AP3B1: variants seen among roughly 807,000 people sequenced by gnomAD.
The protein encoded by AP3B1 is adaptor related protein complex 3 subunit beta 1, also known as AP-3 complex subunit beta-1.
In AP3B1, 61 loss-of-function variants were observed where a neutral mutation model predicts 132.5. The observed-to-expected ratio is 0.46, with a 90% CI of 0.37 to 0.57. The LOEUF (loss-of-function observed/expected upper bound fraction) is 0.57, where lower values mean the gene tolerates loss of function less well. AP3B1 is among the 20% of genes least tolerant of loss of function. The probability of loss-of-function intolerance (pLI) is 0.00; values close to 1 mark genes in which losing one functional copy is unlikely to be tolerated. For synonymous variants in AP3B1, 388 were observed against 438.3 expected, an observed-to-expected ratio of 0.89 and a Z score of 1.43; for missense variants, 1,120 against 1,289.4, an observed-to-expected ratio of 0.87 and a Z score of 2.01.
At chr5:78,145,905 G>A (rs1048204237) in intron 14 of AP3B1, among the ~76,000 whole-genome samples, 8 of 152,274 alleles carry the variant, frequency 5.3e-5, no homozygotes, top group South Asian at 2.1e-4. Flanking sequence ...CCAGGATTCT[G>A]CCCTAATAAA....
At chr5:78,125,248 TAATATA>T (rs1752408540) in intron 17 of AP3B1, among the ~76,000 whole-genome samples, 1 of 152,126 alleles carries the variant, frequency 6.6e-6, no homozygotes, top group Non-Finnish European at 1.5e-5. Flanking sequence ...ACTGGGATCA[TAATATA>T]AATATATATT....
chr5:78,231,406 T>C (rs1162096489), intron 3 of AP3B1, among the ~76,000 whole-genome samples: 1 of 152,056 alleles, frequency 6.6e-6, no homozygotes, highest in Non-Finnish European at 1.5e-5. Context: ...ACACCTGACC[T>C]CAGGTGATCT....
At chr5:78,217,211 A>G (rs1373580356) in intron 6 of AP3B1, among the ~76,000 whole-genome samples, 1 of 152,226 alleles carries the variant, frequency 6.6e-6, no homozygotes, top group East Asian at 1.9e-4. Context: ...AATATTAGAT[A>G]CAATGATATT....
At chr5:78,118,480 C>G (rs2112271915) in intron 17 of AP3B1, among the ~76,000 whole-genome samples, 2 of 152,330 alleles carry the variant, frequency 1.3e-5, no homozygotes, top group East Asian at 3.9e-4. Context: ...CACCCTAATA[C>G]TGCGCTTTTC....
intron 17 of AP3B1, among the ~76,000 whole-genome samples, chr5:78,126,263 G>A (rs1195911458): frequency 6.6e-6 from 1 of 151,988 alleles, no homozygotes; most frequent in Non-Finnish European, 1.5e-5. Flanking sequence ...CCAGCACTTT[G>A]GTAGGCTGAG....
intron 3 of AP3B1, among the ~76,000 whole-genome samples, chr5:78,230,415 C>CCATT (rs67116064): frequency 0.33 from 50,515 of 151,782 alleles, 8,454 homozygotes; most frequent in Middle Eastern, 0.42. Flanking sequence ...TGATATCAAT[C>CCATT]CATCTATACT....
chr5:78,124,843 T>A (rs1218206350), intron 17 of AP3B1, among the ~76,000 whole-genome samples: 4 of 152,226 alleles, frequency 2.6e-5, no homozygotes, highest in Admixed American at 1.3e-4. Flanking sequence ...GTTTGTTGGA[T>A]TAATTTAATA....
intron 1 of AP3B1, among the ~76,000 whole-genome samples, chr5:78,285,100 T>A (rs577995098): frequency 5.9e-5 from 9 of 151,746 alleles, no homozygotes; most frequent in African/African-American, 2.2e-4. Context: ...ACAAAAAAAA[T>A]TAGCTGGGCG....
rs937503907 is a variant in AP3B1 at position 78,160,280 on chromosome 5, CAA to C, written c.1363+2537_1363+2538del. ...CTGAATTGTTTAAAACTAAACAAAA[CAA>C]AGTCTTCTGCCCCAATCCTTTTAGT... On this transcript the variant is annotated intron_variant, in intron 13 of 26. Coordinates refer to ENST00000255194, the MANE Select transcript of AP3B1 (RefSeq NM_003664.5). Among the ~76,000 whole-genome samples the C allele has an allele frequency of 1.1e-3, 160 of 152,080 alleles. 2 individuals are homozygous for C. Among genetic ancestry groups the C allele is most frequent in the Non-Finnish European group, 2.0e-3 (138 of 67,994 alleles).
intron 22 of AP3B1, among the ~76,000 whole-genome samples, chr5:78,074,244 G>A (rs1197273134): frequency 1.3e-5 from 2 of 152,066 alleles, no homozygotes; most frequent in African/African-American, 2.4e-5. Flanking sequence ...TACCTCAGAA[G>A]TAGCATAGAA....
intron 22 of AP3B1, among the ~76,000 whole-genome samples, chr5:78,064,956 CAAG>C (rs1049287266): frequency 4.6e-5 from 7 of 152,230 alleles, no homozygotes; most frequent in Non-Finnish European, 7.4e-5. Context: ...AGGCTTTCAC[CAAG>C]AAGAATGAAA....
chr5:78,048,454 G>C (rs531658709), intron 22 of AP3B1, among the ~76,000 whole-genome samples: 57 of 152,176 alleles, frequency 3.7e-4, no homozygotes, highest in Non-Finnish European at 6.9e-4. Flanking sequence ...GCCTCCCCAT[G>C]ACTGGCTGCA....
At chr5:78,061,016 T>C (rs569557694) in intron 22 of AP3B1, among the ~76,000 whole-genome samples, 3 of 152,190 alleles carry the variant, frequency 2.0e-5, no homozygotes, top group South Asian at 2.1e-4. Context: ...TCTTGACATA[T>C]AGTGGCACCC....
At chr5:78,254,061 T>G (rs1202010221) in intron 2 of AP3B1, among the ~76,000 whole-genome samples, 1 of 151,408 alleles carries the variant, frequency 6.6e-6, no homozygotes, top group African/African-American at 2.4e-5. Flanking sequence ...GCAGTTGATA[T>G]ACTGAAGAAT....
At chr5:78,153,881 A>G (rs1260950494) in intron 14 of AP3B1, among the ~76,000 whole-genome samples, 1 of 152,128 alleles carries the variant, frequency 6.6e-6, no homozygotes, top group Non-Finnish European at 1.5e-5. Context: ...TGTTGTTTCT[A>G]CTTATATCAT....
chr5:78,102,324 C>G (rs1358889275), intron 20 of AP3B1, among the ~76,000 whole-genome samples: 5 of 152,006 alleles, frequency 3.3e-5, no homozygotes, highest in Non-Finnish European at 7.4e-5. Flanking sequence ...TGTCCTGATA[C>G]TCAGAAACTT....
intron 17 of AP3B1, among the ~76,000 whole-genome samples, chr5:78,117,404 G>C (rs1751902331): frequency 6.6e-6 from 1 of 151,376 alleles, no homozygotes; most frequent in African/African-American, 2.4e-5. Context: ...CTGCCTCCTA[G>C]GTTCAAGCGA....
At chr5:78,089,034 T>C (rs1750390152) in intron 22 of AP3B1, 1 of 168,336 alleles carries the variant, frequency 5.9e-6, no homozygotes. Flanking sequence ...AATAGTGTGG[T>C]AGGAATAAAA....
At chr5:78,221,275 G>A (rs1746167243) in intron 6 of AP3B1, among the ~76,000 whole-genome samples, 1 of 151,956 alleles carries the variant, frequency 6.6e-6, no homozygotes, top group Non-Finnish European at 1.5e-5. Context: ...GAAATAAGAA[G>A]ATGCAAGTAA....
Sources: gnomAD v4.1 joint callset for allele counts (sites outside exome capture counted in the v4.1 genomes callset) on GRCh38, gnomAD v4.1.1 for gene constraint, MANE v1.5 for transcripts, NCBI Gene and HGNC (gene_info 2026-07-23, HGNC 2026-07-21) for gene names.